AOAH: variants seen among roughly 807,000 people sequenced by gnomAD.
AOAH encodes the protein acyloxyacyl hydrolase.
Under a neutral mutation model 92.2 loss-of-function variants are expected in AOAH, and 64 were observed. The ratio of observed to expected loss-of-function variants is 0.69; its 90% CI spans 0.57 to 0.86. The LOEUF is 0.86. AOAH is among the 40% of genes least tolerant of loss of function. AOAH has a pLI of 0.00. For synonymous variants in AOAH, 263 were observed against 254.5 expected, an observed-to-expected ratio of 1.03 and a Z score of -0.32; for missense variants, 656 against 694.6, an observed-to-expected ratio of 0.94 and a Z score of 0.62.
At chr7:36,624,741 G>A (rs1305286233) in intron 6 of AOAH, among the ~76,000 whole-genome samples, 2 of 152,178 alleles carry the variant, frequency 1.3e-5, no homozygotes, top group African/African-American at 2.4e-5. Flanking sequence ...CCCAGCACCC[G>A]TGGGTGACCC....
intron 13 of AOAH, among the ~76,000 whole-genome samples, chr7:36,569,759 T>C (rs1471922734): frequency 6.6e-6 from 1 of 151,986 alleles, no homozygotes; most frequent in Non-Finnish European, 1.5e-5. Context: ...TACAGGCACC[T>C]GCCACCATGC....
In AOAH at chr7:36,546,402, T is replaced by C. The variant is rs562100116; in HGVS notation, c.1133+2210A>G. Among the ~76,000 whole-genome samples the C allele has an allele frequency of 2.0e-5, 3 of 152,332 alleles. No individual in the cohort carries two copies. In the South Asian group the frequency reaches 6.2e-4, roughly 32 times the overall value. On this transcript the variant is annotated intron_variant, in intron 15 of 20. Transcript: ENST00000617537. Reference sequence around the variant, plus strand: ...GGGGAGATATAGTTGCCATCTGTCTTTATTTTTTTAACCCCTCCACAGGAC... The same window carrying C: ...GGGGAGATATAGTTGCCATCTGTCTCTATTTTTTTAACCCCTCCACAGGAC...
intron 1 of AOAH, among the ~76,000 whole-genome samples, chr7:36,703,196 C>T (rs1362394541): frequency 1.3e-5 from 2 of 152,032 alleles, no homozygotes; most frequent in African/African-American, 4.8e-5. Context: ...AGTCTTAAAC[C>T]CCTCAAAATC....
At chr7:36,540,718 C>T (rs1785371820) in intron 15 of AOAH, among the ~76,000 whole-genome samples, 1 of 152,190 alleles carries the variant, frequency 6.6e-6, no homozygotes, top group South Asian at 2.1e-4. Context: ...TAGTTCTAAC[C>T]AATGAGTGGT....
chr7:36,686,724 C>A lies in AOAH; in HGVS notation c.198G>T (p.Met66Ile). The stretch of plus-strand genomic sequence containing the variant: ...CAGGCAGGTAGCTGCACAGTCTCTC[C>A]ATCGAGGCCTGGACCGTCGAGTTGT... The part of the protein sequence containing the change: ...QVHNSTVQAS[M>I]ERLCSYLPEK... Residue 66 changes from methionine to isoleucine, a missense_variant, in exon 2 of 21, where the codon ATG (methionine) becomes ATT (isoleucine). Physicochemically the swap from Met to Ile is conservative, Grantham distance 10. Transcript: ENST00000617537. 1 of 1,559,234 alleles carries A rather than the reference C, an allele frequency of 6.4e-7. No homozygotes were observed. Among genetic ancestry groups the A allele is most frequent in the Non-Finnish European group, 8.7e-7 (1 of 1,151,376 alleles).
chr7:36,545,412 G>C (rs1320926758), intron 15 of AOAH, among the ~76,000 whole-genome samples: 2 of 152,230 alleles, frequency 1.3e-5, no homozygotes. Flanking sequence ...TTCCCTGCTG[G>C]CTTTTCTATC....
chr7:36,576,683 TAA>T, intron 12 of AOAH, 27 bp from the exon 13 acceptor site: 32 of 1,252,318 alleles, frequency 2.6e-5, no homozygotes, highest in Non-Finnish European at 3.4e-5. Context: ...TGTATATATT[TAA>T]GGTCAGGATA....
chr7:36,638,016 A>G, intron 4 of AOAH, 106 bp from the exon 5 acceptor site: 1 of 827,566 alleles, frequency 1.2e-6, no homozygotes, highest in Non-Finnish European at 1.9e-6. Context: ...CAATAAATGA[A>G]CCACTCCATA....
In AOAH at chr7:36,717,028, A is replaced by C. The variant is rs189634045; in HGVS notation, c.127+6994T>G. On this transcript the variant is annotated intron_variant, in intron 1 of 20. Transcript: ENST00000617537. ...AATAAATAAATAAATAAAAAAGCAT[A>C]GTCGACCCTGCATTTGCTTAGTGTT... Among the ~76,000 whole-genome samples, 3 of 152,020 alleles carry C rather than the reference A, an allele frequency of 2.0e-5. No individual in the cohort carries two copies. The East Asian group carries it at 5.8e-4, about 29-fold the overall frequency.
intron 4 of AOAH, among the ~76,000 whole-genome samples, chr7:36,643,889 A>G (rs1271283981): frequency 6.6e-6 from 1 of 152,102 alleles, no homozygotes. Context: ...GCCTTCTGCC[A>G]TGATTGTAAG....
At position 36,540,511 on chromosome 7, in the gene AOAH, A is replaced by G; in HGVS notation, c.1134-20T>C. 6.3e-7 allele frequency: 1 copy of G among 1,596,102 alleles called. No individual in the cohort carries two copies. Among genetic ancestry groups the G allele is most frequent in the Non-Finnish European group, 8.5e-7 (1 of 1,170,624 alleles). ...CTCTTCCTGTTGGTGGAATAAACAG[A>G]AAATATCTTGGTTGATTGTAAGGAT... On this transcript the variant is annotated intron_variant, in intron 15 of 20. Coordinates refer to ENST00000617537, the MANE Select transcript of AOAH (RefSeq NM_001637.4).
At position 36,532,169 on chromosome 7, in the gene AOAH, G is replaced by A. The variant is rs150499149; in HGVS notation, c.1403C>T (p.Thr468Met). 17 of 1,614,102 alleles carry A rather than the reference G, an allele frequency of 1.1e-5. No individual in the cohort carries two copies. Among genetic ancestry groups the A allele is most frequent in the African/African-American group, 6.7e-5 (5 of 74,944 alleles). ...TACCTCTGAAGTGAGAGTCCGCAAC[G>A]TCTTGTTGGAAGACATCCAGCCGTG... The part of the protein sequence containing the change: ...PCHGWMSSNK[T>M]LRTLTSERAE... Residue 468 changes from threonine to methionine, a missense_variant, in exon 18 of 21, where the codon ACG becomes ATG. By Grantham distance (81) the Thr-to-Met change is moderately conservative. Coordinates refer to ENST00000617537, the MANE Select transcript of AOAH (RefSeq NM_001637.4).
chr7:36,520,860 T>C (rs1381875433), intron 20 of AOAH, among the ~76,000 whole-genome samples: 1 of 152,238 alleles, frequency 6.6e-6, no homozygotes, highest in Non-Finnish European at 1.5e-5. Flanking sequence ...ACAGGAAGGT[T>C]AGAAATTCTG....
In AOAH at chr7:36,593,966, G is replaced by A. The variant is rs148317936; in HGVS notation, c.938+373C>T. ...TACAAATCTGGGGCATTAAAGCCAG[G>A]ATGATTCTAGGACTTTGAGAAGTGC... On this transcript the variant is annotated intron_variant, in intron 12 of 20. Coordinates refer to ENST00000617537, the MANE Select transcript of AOAH (RefSeq NM_001637.4). Among the ~76,000 whole-genome samples the A allele has an allele frequency of 2.9e-3, 435 of 152,320 alleles. 1 individual carries two copies. Among genetic ancestry groups the A allele is most frequent in the Non-Finnish European group, 4.4e-3 (297 of 68,034 alleles).
chr7:36,646,125 T>C (rs1794209141), intron 4 of AOAH, among the ~76,000 whole-genome samples: 1 of 152,234 alleles, frequency 6.6e-6, no homozygotes, highest in South Asian at 2.1e-4. Context: ...GTTCACACCA[T>C]AGAGGTTCTT....
At chr7:36,566,359 CTTTTT>C (rs11363143) in intron 13 of AOAH, among the ~76,000 whole-genome samples, 3 of 120,696 alleles carry the variant, frequency 2.5e-5, no homozygotes, top group Non-Finnish European at 5.2e-5. Flanking sequence ...TCATCCTTAA[CTTTTT>C]TTTTTTTTTT....
At chr7:36,533,065 C>G (rs1369853021) in intron 16 of AOAH, among the ~76,000 whole-genome samples, 1 of 152,138 alleles carries the variant, frequency 6.6e-6, no homozygotes, top group Non-Finnish European at 1.5e-5. Context: ...TGAAAAGTAC[C>G]AGATGAGCGT....
intron 1 of AOAH, among the ~76,000 whole-genome samples, chr7:36,716,585 A>G (rs1799188360): frequency 6.7e-6 from 1 of 149,292 alleles, no homozygotes; most frequent in African/African-American, 2.5e-5. Context: ...AATGTCCAAC[A>G]ATGATAGACT....
At chr7:36,655,124 T>C (rs1794799946) in intron 4 of AOAH, among the ~76,000 whole-genome samples, 1 of 152,230 alleles carries the variant, frequency 6.6e-6, no homozygotes, top group Non-Finnish European at 1.5e-5. Context: ...CACCCCCATG[T>C]GCTTGCATCT....
Sources: allele counts gnomAD v4.1 joint callset (sites outside exome capture counted in the v4.1 genomes callset), GRCh38; gene constraint gnomAD v4.1.1; transcripts MANE v1.5; gene names NCBI Gene and HGNC (gene_info 2026-07-23, HGNC 2026-07-21).